Variants in GIGYF2 observed in about 807,000 individuals in gnomAD.
GIGYF2 encodes the protein GRB10 interacting GYF protein 2, also known as GRB10-interacting GYF protein 2.
In GIGYF2, 25 loss-of-function variants were observed where a neutral mutation model predicts 208.1. The observed-to-expected ratio is 0.12, with a 90% CI of 0.09 to 0.17. GIGYF2 has a LOEUF of 0.17. Among genes scored for constraint, GIGYF2 ranks in the 10% least tolerant of loss-of-function variants. GIGYF2 has a pLI of 1.00. For missense variants in GIGYF2, 1,302 were observed against 1,579.4 expected (o/e 0.82, Z 2.98); for synonymous variants, 534 against 543.8 (o/e 0.98, Z 0.25).
intron 22 of GIGYF2, 98 bp downstream of exon 22, chr2:232,833,191 C>G (rs1399445239): frequency 1.6e-6 from 1 of 622,016 alleles, no homozygotes; most frequent in Non-Finnish European, 2.7e-6. Flanking sequence ...TTCTTTCTTT[C>G]TTTTTTTAAT....
Position 232,847,449 on chromosome 2 carries a change from G to C in GIGYF2, c.3562G>C (p.Ala1188Pro). Residue 1188 changes from alanine to proline, a missense_variant, in exon 27 of 29, where the codon GCC becomes CCC. By Grantham distance (27) the Ala-to-Pro change is conservative. Transcript: ENST00000373563. Reference protein sequence around the residue: ...LGDTSEAKEFAKQFLERRAKQ... With the variant: ...LGDTSEAKEFPKQFLERRAKQ... ...AGATACTTCTGAGGCCAAGGAGTTT[G>C]CCAAGCAGTTCCTTGAGCGCCGTGC... 2 of 1,613,934 alleles carry C rather than the reference G, an allele frequency of 1.2e-6. No homozygotes were observed. Among genetic ancestry groups the C allele is most frequent in the Non-Finnish European group, 1.7e-6 (2 of 1,179,982 alleles).
intron 4 of GIGYF2, 111 bp downstream of exon 4, chr2:232,747,855 T>G: frequency 1.0e-6 from 1 of 997,798 alleles, no homozygotes; most frequent in Non-Finnish European, 1.5e-6. Flanking sequence ...GACCCATGCC[T>G]TTCCACCTTA....
Position 232,847,553 on chromosome 2 carries a change from A to G in GIGYF2, c.3666A>G (p.Pro1222=), listed in dbSNP as rs982959236. The G allele has an allele frequency of 6.3e-7, 1 of 1,579,148 alleles. No individual in the cohort carries two copies. The highest frequency in any genetic ancestry group is 8.7e-7 in the Non-Finnish European group (1 of 1,151,656). ...AGCAGCAGCCGCCACAGCAGCCGCC[A>G]CAGCAGCCACAACAGCAGGTATAAA... The part of the protein sequence containing the change: ...QQQQQPPQQP[P]QQPQQQDSVW... Residue 1222 remains proline, a synonymous_variant, in exon 27 of 29, where the codon CCA becomes CCG. Coordinates refer to ENST00000373563, the MANE Select transcript of GIGYF2 (RefSeq NM_001103146.3).
At chr2:232,814,192 T>C (rs1398970867) in intron 18 of GIGYF2, among the ~76,000 whole-genome samples, 1 of 152,088 alleles carries the variant, frequency 6.6e-6, no homozygotes, top group African/African-American at 2.4e-5. Flanking sequence ...AACCCATGAT[T>C]GGACAATTTT....
At chr2:232,828,296 T>C (rs530781297) in intron 21 of GIGYF2, among the ~76,000 whole-genome samples, 5 of 152,320 alleles carry the variant, frequency 3.3e-5, no homozygotes, top group African/African-American at 1.2e-4. Flanking sequence ...CCCTTACTTA[T>C]ATTTAGTTCT....
intron 21 of GIGYF2, among the ~76,000 whole-genome samples, chr2:232,823,434 C>T (rs1424639689): frequency 6.7e-6 from 1 of 150,164 alleles, no homozygotes; most frequent in East Asian, 2.0e-4. Flanking sequence ...CTCACTACAG[C>T]CTCAACCTAC....
At position 232,859,281 on chromosome 2, in the gene GIGYF2, C is replaced by T. The variant is rs1251618218; in HGVS notation, c.*2421C>T. The T allele has an allele frequency of 1.3e-5, 2 of 152,132 alleles. No homozygotes were observed. The highest frequency in any genetic ancestry group is 2.9e-5 in the Non-Finnish European group (2 of 68,060). 9.4% of individuals were successfully genotyped at this position (152,132 alleles called of 1,614,324 possible). A position where few individuals can be genotyped will look rare whatever the true frequency, so the allele number is the denominator to read the frequency against. ...TTGAAGTATTTGTTTTGTACCCTCT[C>T]TGCTTCCGGTTTTTTGTTTGGTTGG... is the stretch of plus-strand genomic sequence containing the variant. On this transcript the variant is annotated 3_prime_UTR_variant, in exon 29 of 29. Transcript: ENST00000373563.
chr2:232,826,405 G>A (rs1293832231), intron 21 of GIGYF2, among the ~76,000 whole-genome samples: 2 of 152,180 alleles, frequency 1.3e-5, no homozygotes, highest in Admixed American at 6.5e-5. Context: ...TCTAATTGGC[G>A]TGAGATGGTA....
chr2:232,822,939 G>C (rs890392720), intron 21 of GIGYF2, among the ~76,000 whole-genome samples: 2 of 152,026 alleles, frequency 1.3e-5, no homozygotes, highest in African/African-American at 4.8e-5. Flanking sequence ...TCCAGTATTG[G>C]GGTGAAAATG....
At chr2:232,823,933 G>A (rs959854723) in intron 21 of GIGYF2, among the ~76,000 whole-genome samples, 2 of 152,092 alleles carry the variant, frequency 1.3e-5, no homozygotes, top group Admixed American at 6.5e-5. Flanking sequence ...GTCACACTTC[G>A]GTAATTCTTG....
At chr2:232,752,712 T>A (rs1698382940) in intron 5 of GIGYF2, among the ~76,000 whole-genome samples, 1 of 152,042 alleles carries the variant, frequency 6.6e-6, no homozygotes, top group Non-Finnish European at 1.5e-5. Flanking sequence ...GGCTAATTTT[T>A]TGTATTTTTA....
chr2:232,797,521 G>GTGTGTT (rs1700260577), intron 14 of GIGYF2, among the ~76,000 whole-genome samples: 1 of 148,770 alleles, frequency 6.7e-6, no homozygotes, highest in Non-Finnish European at 1.5e-5. Context: ...GTGTGTGTGT[G>GTGTGTT]TGTGTTTTAA....
intron 14 of GIGYF2, among the ~76,000 whole-genome samples, chr2:232,805,073 G>A (rs1207592333): frequency 6.6e-6 from 1 of 151,850 alleles, no homozygotes; most frequent in East Asian, 1.9e-4. Context: ...CCCATCACTC[G>A]AGCAGTATAC....
intron 2 of GIGYF2, among the ~76,000 whole-genome samples, chr2:232,724,989 G>A (rs75829427): frequency 0.022 from 3,299 of 152,162 alleles, 125 homozygotes; most frequent in African/African-American, 0.075. Flanking sequence ...ACATTTTGGG[G>A]CATATCTATA....
At chr2:232,719,146 G>A (rs533051410) in intron 2 of GIGYF2, 2 of 152,106 alleles carry the variant, frequency 1.3e-5, no homozygotes, top group South Asian at 4.1e-4. Flanking sequence ...CCACCGTGCC[G>A]GCCACATAAT....
At chr2:232,839,158 C>CT (rs1465568327) in intron 22 of GIGYF2, among the ~76,000 whole-genome samples, 1 of 152,020 alleles carries the variant, frequency 6.6e-6, no homozygotes, top group East Asian at 1.9e-4. Context: ...AAAAGTGTGT[C>CT]TTTTTCTGGC....
rs538962888 is a variant in GIGYF2 at position 232,765,147 on chromosome 2, G to A, written c.532+3711G>A. ...GCTTTTTGAAAAGATGCTCACTTCAGGTTAACTGCTAAAGATTCTGAGCTT... is the reference window on the plus strand; with the variant it reads ...GCTTTTTGAAAAGATGCTCACTTCAAGTTAACTGCTAAAGATTCTGAGCTT... On this transcript the variant is annotated intron_variant, in intron 8 of 28. Transcript: ENST00000373563. 309 of 152,184 alleles carry A rather than the reference G, an allele frequency of 2.0e-3. 1 individual carries two copies. The highest frequency in any genetic ancestry group is 7.1e-3 in the African/African-American group (294 of 41,520). The allele number at this position is 152,184 out of a possible 1,614,324, so 9.4% of individuals were successfully genotyped here.
chr2:232,779,403 A>T (rs1382182021), intron 8 of GIGYF2, among the ~76,000 whole-genome samples: 1 of 152,234 alleles, frequency 6.6e-6, no homozygotes. Context: ...CTATATATCT[A>T]TAAATGTATC....
chr2:232,804,553 G>A (rs56256683), intron 14 of GIGYF2, among the ~76,000 whole-genome samples: 2,337 of 152,022 alleles, frequency 0.015, 70 homozygotes, highest in African/African-American at 0.054. Context: ...GTGCAGTGGC[G>A]CGATCTCGGC....
Sources: gnomAD v4.1 joint callset for allele counts (sites outside exome capture counted in the v4.1 genomes callset) on GRCh38, gnomAD v4.1.1 for gene constraint, MANE v1.5 for transcripts, NCBI Gene and HGNC (gene_info 2026-07-23, HGNC 2026-07-21) for gene names.